The following GOLPH3L variants were observed in gnomAD, a reference collection of about 807,000 sequenced individuals.
GOLPH3L encodes the protein golgi phosphoprotein 3 like, also known as Golgi phosphoprotein 3-like.
GOLPH3L carries 22 observed loss-of-function variants against 30.3 expected under a neutral mutation model. That is an observed-to-expected ratio of 0.73 (90% confidence interval 0.52 to 1.04). The LOEUF is 1.04. GOLPH3L is among the 50% of genes least tolerant of loss of function. The pLI is 0.00. For missense variants in GOLPH3L, 303 were observed against 345.8 expected, an observed-to-expected ratio of 0.88 and a Z score of 0.98; for synonymous variants, 120 against 128.2, an observed-to-expected ratio of 0.94 and a Z score of 0.43.
intron 2 of GOLPH3L, 56 bp from the exon 3 acceptor site, chr1:150,663,819 A>G: frequency 6.6e-7 from 1 of 1,517,752 alleles, no homozygotes; most frequent in Non-Finnish European, 9.1e-7. Flanking sequence ...ACTGACTTCC[A>G]GCAGGCACCC....
At chr1:150,662,739 T>C (rs1017265620) in intron 3 of GOLPH3L, among the ~76,000 whole-genome samples, 5 of 152,066 alleles carry the variant, frequency 3.3e-5, no homozygotes, top group African/African-American at 4.8e-5. Flanking sequence ...AGGCCAATAA[T>C]GAAGAAAGTT....
intron 2 of GOLPH3L, among the ~76,000 whole-genome samples, chr1:150,665,135 CTGATTA>C (rs1359477906): frequency 1.3e-5 from 2 of 151,924 alleles, no homozygotes; most frequent in East Asian, 3.8e-4. Context: ...CATGCATTAT[CTGATTA>C]TATCTTCACA....
intron 4 of GOLPH3L, among the ~76,000 whole-genome samples, chr1:150,655,498 G>C (rs1650218565): frequency 6.6e-6 from 1 of 152,140 alleles, no homozygotes; most frequent in African/African-American, 2.4e-5. Context: ...ATGGGACTAG[G>C]AAAAAATTTG....
chr1:150,675,409 C>T (rs368859452), intron 2 of GOLPH3L, among the ~76,000 whole-genome samples: 2 of 151,988 alleles, frequency 1.3e-5, no homozygotes, highest in Non-Finnish European at 1.5e-5. Context: ...GTATGTACAA[C>T]CAAACTTTTC....
chr1:150,663,855 T>A, intron 2 of GOLPH3L, 92 bp from the exon 3 acceptor site: 1 of 991,988 alleles, frequency 1.0e-6, no homozygotes, highest in Non-Finnish European at 1.6e-6. Flanking sequence ...TTGTTGTGAT[T>A]CGTTTCACAT....
Position 150,674,201 on chromosome 1 carries a change from T to G in GOLPH3L, c.184-10438A>C, listed in dbSNP as rs587661294. ...TTTGAATATAGAAGTTTTCATATGT[T>G]TGTTAATAAGAGCAAAATAAACTAT... On this transcript the variant is annotated intron_variant, in intron 2 of 4. Coordinates refer to ENST00000271732, the MANE Select transcript of GOLPH3L (RefSeq NM_018178.6). Among the ~76,000 whole-genome samples, 21 of 126,472 alleles carry G rather than the reference T, an allele frequency of 1.7e-4. No individual in the cohort carries two copies. The Admixed American group carries it at 1.8e-3, about 11-fold the overall frequency. 83.0% of individuals were successfully genotyped at this position (126,472 alleles called of 152,430 possible). A position where few individuals can be genotyped will look rare whatever the true frequency, so the allele number is the denominator to read the frequency against.
In GOLPH3L at chr1:150,662,807, A is replaced by G. The variant is rs188718364; in HGVS notation, c.315+825T>C. ...TAGGTTAAAAGAGAAAAATAAATCA[A>G]AGACTGAAAAGAAGCTGGTGATACC... On this transcript the variant is annotated intron_variant, in intron 3 of 4. Transcript: ENST00000271732. Among the ~76,000 whole-genome samples the G allele has an allele frequency of 3.3e-5, 5 of 152,326 alleles. No individual in the cohort carries two copies. The East Asian group carries it at 9.6e-4, about 29-fold the overall frequency.
chr1:150,653,175 C>CAAAAAAAAAAAAAAAA (rs757485843), intron 4 of GOLPH3L, among the ~76,000 whole-genome samples: 16 of 76,102 alleles, frequency 2.1e-4, no homozygotes, highest in East Asian at 7.2e-4. Context: ...GCCAAAAAAA[C>CAAAAAAAAAAAAAAAA]AAAAAAAAAA....
intron 2 of GOLPH3L, among the ~76,000 whole-genome samples, chr1:150,693,652 A>G (rs1052306420): frequency 9.9e-5 from 15 of 151,676 alleles, no homozygotes; most frequent in Non-Finnish European, 2.2e-4. Context: ...ATTTCTGGTT[A>G]TATCACAAGA....
chr1:150,663,621 G>A lies in GOLPH3L; in HGVS notation c.315+11C>T, dbSNP rs1450473669. ...TCCATAAGCCATGGACGTTCACAGA[G>A]GATTCAGTACCTTTCTGTCTAGTAG... On this transcript the variant is annotated intron_variant, in intron 3 of 4. Transcript: ENST00000271732. The A allele has an allele frequency of 6.2e-7, 1 of 1,602,076 alleles. No homozygotes were observed. Among genetic ancestry groups the A allele is most frequent in the East Asian group, 2.2e-5 (1 of 44,480 alleles).
At chr1:150,689,981 C>A (rs1000048454) in intron 2 of GOLPH3L, among the ~76,000 whole-genome samples, 1 of 151,216 alleles carries the variant, frequency 6.6e-6, no homozygotes, top group Non-Finnish European at 1.5e-5. Flanking sequence ...AGTTACCCCT[C>A]AGAAGAATTT....
chr1:150,686,762 T>C (rs1651095214), intron 2 of GOLPH3L, among the ~76,000 whole-genome samples: 1 of 152,146 alleles, frequency 6.6e-6, no homozygotes, highest in Non-Finnish European at 1.5e-5. Context: ...TACTAGATAT[T>C]TTATATTTTG....
chr1:150,664,216 C>T (rs1306130733), intron 2 of GOLPH3L, among the ~76,000 whole-genome samples: 1 of 151,986 alleles, frequency 6.6e-6, no homozygotes, highest in Non-Finnish European at 1.5e-5. Context: ...GTTGCCTACG[C>T]TGGTCTCGAA....
At chr1:150,663,084 G>C (rs936385801) in intron 3 of GOLPH3L, among the ~76,000 whole-genome samples, 2 of 151,824 alleles carry the variant, frequency 1.3e-5, no homozygotes, top group Non-Finnish European at 2.9e-5. Context: ...CCCCAGGCTG[G>C]AGTGCAGTGG....
At chr1:150,692,682 G>T (rs1651240376) in intron 2 of GOLPH3L, among the ~76,000 whole-genome samples, 1 of 152,194 alleles carries the variant, frequency 6.6e-6, no homozygotes, top group Admixed American at 6.5e-5. Flanking sequence ...ATTAGCCATT[G>T]CATCCAGCCA....
At position 150,648,146 on chromosome 1, in the gene GOLPH3L, G is replaced by GC. The variant is rs1650024708; in HGVS notation, c.*174dup. 1.8e-6 allele frequency: 1 copy of GC among 563,992 alleles called. No homozygotes were observed. The highest frequency in any genetic ancestry group is 1.9e-5 in the African/African-American group (1 of 53,402). The allele number at this position is 563,992 out of a possible 1,614,324, so 34.9% of individuals were successfully genotyped here. On this transcript the variant is annotated 3_prime_UTR_variant, in exon 5 of 5. Transcript: ENST00000271732. Reference sequence around the variant, plus strand: ...GGAAGTGTAGGGAGAAATAAGGTCTGCTTATAATGGTCAAGGTCTATGGAG... The same window carrying GC: ...GGAAGTGTAGGGAGAAATAAGGTCTGCCTTATAATGGTCAAGGTCTATGGAG...
chr1:150,695,277 C>G (rs1343447496), intron 1 of GOLPH3L, among the ~76,000 whole-genome samples: 1 of 152,134 alleles, frequency 6.6e-6, no homozygotes, highest in East Asian at 1.9e-4. Context: ...GTTGGGATTA[C>G]AGGTGTGCGC....
rs1651374701 is a variant in GOLPH3L at position 150,696,980 on chromosome 1, C to A, written c.-13+12G>T. 1 of 152,050 alleles carries A rather than the reference C, an allele frequency of 6.6e-6. No homozygotes were observed. Among genetic ancestry groups the A allele is most frequent in the South Asian group, 2.1e-4 (1 of 4,822 alleles). 9.4% of individuals were successfully genotyped at this position (152,050 alleles called of 1,614,324 possible). ...AAGGGACGTTAGGAAATGTAATTTT[C>A]TCGTTGCTTACCTGATGTTACTCCT... On this transcript the variant is annotated intron_variant, in intron 1 of 4. Coordinates refer to ENST00000271732, the MANE Select transcript of GOLPH3L (RefSeq NM_018178.6).
At position 150,693,797 on chromosome 1, in the gene GOLPH3L, A is replaced by ATGTGTGTGTGTGTGTGTGTGTGTGTG. The variant is rs796936730; in HGVS notation, c.183+858_183+859insCACACACACACACACACACACACACA. Among the ~76,000 whole-genome samples the ATGTGTGTGTGTGTGTGTGTGTGTGTG allele has an allele frequency of 2.1e-3, 129 of 60,932 alleles. 4 individuals carry two copies. The highest frequency in any genetic ancestry group is 0.013 in the Middle Eastern group (1 of 78). 40.0% of individuals were successfully genotyped at this position (60,932 alleles called of 152,430 possible). On this transcript the variant is annotated intron_variant, in intron 2 of 4. Coordinates refer to ENST00000271732, the MANE Select transcript of GOLPH3L (RefSeq NM_018178.6). ...TAAAATAATCCTCAATTGTTTATGTATGTGTGTGTGTGTGTGTGTGTGTAT... is the reference window on the plus strand; with the variant it reads ...TAAAATAATCCTCAATTGTTTATGTATGTGTGTGTGTGTGTGTGTGTGTGTGTGTGTGTGTGTGTGTGTGTGTGTAT...
Sources: gnomAD v4.1 joint callset for allele counts (sites outside exome capture counted in the v4.1 genomes callset) on GRCh38, gnomAD v4.1.1 for gene constraint, MANE v1.5 for transcripts, NCBI Gene and HGNC (gene_info 2026-07-23, HGNC 2026-07-21) for gene names.